Variants in NKAIN2 observed in about 807,000 individuals in gnomAD.
NKAIN2 encodes the protein sodium/potassium transporting ATPase interacting 2, also known as sodium/potassium-transporting ATPase subunit beta-1-interacting protein 2.
NKAIN2 carries 14 observed loss-of-function variants against 32.6 expected under a neutral mutation model. The observed-to-expected ratio is 0.43, with a 90% CI of 0.28 to 0.67. The LOEUF (loss-of-function observed/expected upper bound fraction) is 0.67. Among genes scored for constraint, NKAIN2 ranks in the 30% least tolerant of loss-of-function variants. NKAIN2 has a pLI of 0.17. For missense variants in NKAIN2, 198 were observed against 258.3 expected (o/e 0.77, Z 1.60); for synonymous variants, 80 against 87.2 (o/e 0.92, Z 0.46).
At chr6:124,032,933 C>T (rs756542967) in intron 1 of NKAIN2, among the ~76,000 whole-genome samples, 5 of 151,548 alleles carry the variant, frequency 3.3e-5, no homozygotes, top group East Asian at 3.9e-4. Flanking sequence ...ATATTTTATG[C>T]GGGATTTTGT....
rs910616198 is a variant in NKAIN2, at chr6:124,452,211, A to G, written c.273+96864A>G. The stretch of plus-strand genomic sequence containing the variant: ...CATCATCTCGAAAAAAAAAAAAAAA[A>G]CTGACGTAATCCTTCCTTTTTTATA... On this transcript the variant is annotated intron_variant, in intron 3 of 6. Coordinates refer to ENST00000368417, the MANE Select transcript of NKAIN2 (RefSeq NM_001040214.3). 2.8e-5 allele frequency among the ~76,000 whole-genome samples: 4 copies of G among 141,312 alleles called. No homozygotes were observed. The East Asian group carries it at 8.3e-4, about 29-fold the overall frequency. The allele number at this position is 141,312 out of a possible 152,430, so 92.7% of individuals were successfully genotyped here. A position where few individuals can be genotyped will look rare whatever the true frequency, so the allele number is the denominator to read the frequency against.
At chr6:124,013,697 T>C (rs1053481941) in intron 1 of NKAIN2, among the ~76,000 whole-genome samples, 1 of 152,178 alleles carries the variant, frequency 6.6e-6, no homozygotes, top group Non-Finnish European at 1.5e-5. Context: ...ATCAGGGTTG[T>C]TAAACATGAG....
chr6:124,349,524 T>C (rs1299254377), intron 2 of NKAIN2, among the ~76,000 whole-genome samples: 1 of 152,198 alleles, frequency 6.6e-6, no homozygotes, highest in African/African-American at 2.4e-5. Context: ...CATTAATACA[T>C]ATAGATAATA....
chr6:124,797,783 C>T (rs1008361309), intron 5 of NKAIN2, among the ~76,000 whole-genome samples: 1 of 152,084 alleles, frequency 6.6e-6, no homozygotes, highest in East Asian at 1.9e-4. Context: ...TGAGCACAAT[C>T]GCGTACTCTC....
chr6:124,690,883 AC>A (rs973773972), intron 4 of NKAIN2, among the ~76,000 whole-genome samples: 15 of 152,282 alleles, frequency 9.9e-5, no homozygotes, highest in African/African-American at 3.6e-4. Flanking sequence ...TTATTTTGTC[AC>A]ATGGCTTTCT....
At chr6:123,854,889 C>A (rs1446843041) in intron 1 of NKAIN2, among the ~76,000 whole-genome samples, 1 of 152,134 alleles carries the variant, frequency 6.6e-6, no homozygotes, top group South Asian at 2.1e-4. Context: ...TGGTCTTCTG[C>A]GTCTTTCCTT....
intron 1 of NKAIN2, among the ~76,000 whole-genome samples, chr6:124,147,025 TG>T (rs1293221858): frequency 6.6e-6 from 1 of 152,214 alleles, no homozygotes; most frequent in Non-Finnish European, 1.5e-5. Flanking sequence ...ATCTGTTTTT[TG>T]AATGATGTAT....
intron 3 of NKAIN2, among the ~76,000 whole-genome samples, chr6:124,652,366 T>G (rs1469086479): frequency 1.3e-5 from 2 of 152,350 alleles, no homozygotes; most frequent in East Asian, 1.9e-4. Context: ...GCTCTCCTTC[T>G]TCTGAGTTTT....
intron 3 of NKAIN2, among the ~76,000 whole-genome samples, chr6:124,396,553 C>T (rs975215832): frequency 6.6e-6 from 1 of 151,904 alleles, no homozygotes; most frequent in Non-Finnish European, 1.5e-5. Context: ...TTTAATGAAA[C>T]ACGATGAGTC....
intron 4 of NKAIN2, among the ~76,000 whole-genome samples, chr6:124,762,488 A>C (rs1344442291): frequency 6.6e-6 from 1 of 152,212 alleles, no homozygotes; most frequent in African/African-American, 2.4e-5. Flanking sequence ...ATATTTCTTC[A>C]TAAGAGAGAA....
At chr6:124,817,971 G>A (rs1299822601) in intron 5 of NKAIN2, among the ~76,000 whole-genome samples, 1 of 152,134 alleles carries the variant, frequency 6.6e-6, no homozygotes, top group Admixed American at 6.5e-5. Flanking sequence ...ATTGCTCATA[G>A]ATACATGCAC....
intron 4 of NKAIN2, among the ~76,000 whole-genome samples, chr6:124,696,126 T>A (rs1309690275): frequency 6.6e-6 from 1 of 152,146 alleles, no homozygotes; most frequent in Non-Finnish European, 1.5e-5. Context: ...AGGACCTCTG[T>A]GAGAGTCTTC....
At chr6:123,973,706 G>C (rs1778434453) in intron 1 of NKAIN2, among the ~76,000 whole-genome samples, 1 of 152,038 alleles carries the variant, frequency 6.6e-6, no homozygotes, top group Non-Finnish European at 1.5e-5. Flanking sequence ...GGCAAAAACT[G>C]CAATTACTTT....
chr6:124,245,070 C>A (rs1043548273), intron 1 of NKAIN2, among the ~76,000 whole-genome samples: 12 of 152,056 alleles, frequency 7.9e-5, no homozygotes, highest in Admixed American at 6.6e-4. Context: ...GAGAGATAAG[C>A]TGGTGCATTT....
At chr6:124,478,503 C>T (rs1777319657) in intron 3 of NKAIN2, among the ~76,000 whole-genome samples, 1 of 152,188 alleles carries the variant, frequency 6.6e-6, no homozygotes, top group African/African-American at 2.4e-5. Context: ...CAATCACACA[C>T]ACACGTGCAT....
chr6:123,902,701 G>A (rs1774663993), intron 1 of NKAIN2, among the ~76,000 whole-genome samples: 2 of 152,164 alleles, frequency 1.3e-5, no homozygotes, highest in Non-Finnish European at 2.9e-5. Context: ...AAGAAGCATC[G>A]ATTTATTCAG....
intron 3 of NKAIN2, among the ~76,000 whole-genome samples, chr6:124,425,575 A>G (rs118002838): frequency 0.046 from 7,010 of 152,198 alleles, 281 homozygotes; most frequent in Non-Finnish European, 0.066. Context: ...TTTAAAATAT[A>G]TGAGGAATTT....
intron 1 of NKAIN2, among the ~76,000 whole-genome samples, chr6:124,126,791 C>CA (rs1252849798): frequency 4.6e-5 from 7 of 152,056 alleles, no homozygotes; most frequent in Non-Finnish European, 1.5e-5. Flanking sequence ...CCTGTCTCTA[C>CA]AAAAAATACA....
At chr6:124,717,263 C>T (rs1775799074) in intron 4 of NKAIN2, among the ~76,000 whole-genome samples, 1 of 152,118 alleles carries the variant, frequency 6.6e-6, no homozygotes, top group Non-Finnish European at 1.5e-5. Context: ...TAATTACTCT[C>T]CTCTTCATAG....
Sources: allele counts gnomAD v4.1 joint callset (sites outside exome capture counted in the v4.1 genomes callset), GRCh38; gene constraint gnomAD v4.1.1; transcripts MANE v1.5; gene names NCBI Gene and HGNC (gene_info 2026-07-23, HGNC 2026-07-21).